NMNAT2: variants seen among roughly 807,000 people sequenced by gnomAD.
The protein encoded by NMNAT2 is nicotinamide/nicotinic acid mononucleotide adenylyltransferase 2.
Under a neutral mutation model 41.6 loss-of-function variants are expected in NMNAT2, and 11 were observed. That is an observed-to-expected ratio of 0.26 (90% CI 0.17 to 0.44). The LOEUF (loss-of-function observed/expected upper bound fraction) is 0.44. Ranked by LOEUF, NMNAT2 falls within the 20% of genes least tolerant of loss-of-function variation. NMNAT2 has a pLI of 1.00. For synonymous variants in NMNAT2, 148 were observed against 151.2 expected (o/e 0.98, Z 0.16); for missense variants, 288 against 407.7 (o/e 0.71, Z 2.53).
chr1:183,379,059 T>C (rs1301510338), intron 1 of NMNAT2, among the ~76,000 whole-genome samples: 1 of 79,436 alleles, frequency 1.3e-5, no homozygotes, highest in East Asian at 9.7e-4. Context: ...TATCTATATC[T>C]ATATCTATAT....
At chr1:183,397,064 T>A (rs1406555372) in intron 1 of NMNAT2, among the ~76,000 whole-genome samples, 1 of 152,228 alleles carries the variant, frequency 6.6e-6, no homozygotes, top group Non-Finnish European at 1.5e-5. Flanking sequence ...GAACACTTGC[T>A]GTGGGGCTTT....
At chr1:183,360,670 C>G (rs924607298) in intron 1 of NMNAT2, among the ~76,000 whole-genome samples, 2 of 152,156 alleles carry the variant, frequency 1.3e-5, no homozygotes, top group African/African-American at 4.8e-5. Flanking sequence ...TAATGGAAAA[C>G]AGGCTGAAGG....
At chr1:183,255,370 T>C (rs1210907885) in intron 10 of NMNAT2, among the ~76,000 whole-genome samples, 1 of 152,216 alleles carries the variant, frequency 6.6e-6, no homozygotes, top group Non-Finnish European at 1.5e-5. Flanking sequence ...ACTTTTTTTT[T>C]CTCATAATTG....
Position 183,418,327 on chromosome 1 carries a change from G to C in NMNAT2, c.-60C>G. Reference sequence around the variant, plus strand: ...TGCCTCTCTTTTTGTGTCTCGTTGTGTCTGCAGAGGGAGAAAGGAAGGCGA... The same window carrying C: ...TGCCTCTCTTTTTGTGTCTCGTTGTCTCTGCAGAGGGAGAAAGGAAGGCGA... On this transcript the variant is annotated 5_prime_UTR_variant, in exon 1 of 11. Coordinates refer to ENST00000287713, the MANE Select transcript of NMNAT2 (RefSeq NM_015039.4). 1 of 1,508,118 alleles carries C rather than the reference G, an allele frequency of 6.6e-7. No individual in the cohort carries two copies. The highest frequency in any genetic ancestry group is 9.2e-7 in the Non-Finnish European group (1 of 1,084,058). 93.4% of individuals were successfully genotyped at this position (1,508,118 alleles called of 1,614,324 possible). A position where few individuals can be genotyped will look rare whatever the true frequency, so the allele number is the denominator to read the frequency against.
At chr1:183,358,957 A>G (rs1663251640) in intron 1 of NMNAT2, among the ~76,000 whole-genome samples, 1 of 152,208 alleles carries the variant, frequency 6.6e-6, no homozygotes, top group African/African-American at 2.4e-5. Context: ...GCAAGTGTTG[A>G]TTTGAAGAAA....
At chr1:183,273,954 T>G (rs57755720) in intron 8 of NMNAT2, among the ~76,000 whole-genome samples, 20 of 150,076 alleles carry the variant, frequency 1.3e-4, no homozygotes, top group Non-Finnish European at 2.7e-4. Context: ...GTCTTGTCAC[T>G]CAGGCTAGAG....
At chr1:183,304,714 A>G (rs199999449) in intron 1 of NMNAT2, 8 of 1,613,912 alleles carry the variant, frequency 5.0e-6, no homozygotes, top group East Asian at 2.2e-5. Context: ...GCAGGCCTGA[A>G]TTTCCTCTAG....
At chr1:183,312,294 CTA>C (rs1001918296) in intron 1 of NMNAT2, among the ~76,000 whole-genome samples, 5 of 147,270 alleles carry the variant, frequency 3.4e-5, no homozygotes, top group Non-Finnish European at 7.4e-5. Context: ...TGAGGTCTCA[CTA>C]TGTTTCCCAG....
intron 7 of NMNAT2, among the ~76,000 whole-genome samples, chr1:183,282,497 A>C (rs556282372): frequency 6.6e-6 from 1 of 152,366 alleles, no homozygotes; most frequent in Non-Finnish European, 1.5e-5. Flanking sequence ...CTAGGAAGGC[A>C]AGCAAGGCCA....
intron 1 of NMNAT2, among the ~76,000 whole-genome samples, chr1:183,376,146 G>A (rs1373328605): frequency 6.6e-6 from 1 of 152,072 alleles, no homozygotes; most frequent in East Asian, 1.9e-4. Flanking sequence ...ACATTTATGA[G>A]GACAACCTAT....
chr1:183,264,330 G>T (rs1660748135), intron 8 of NMNAT2, among the ~76,000 whole-genome samples: 1 of 152,008 alleles, frequency 6.6e-6, no homozygotes. Flanking sequence ...AATGATCTGA[G>T]CACCCAATGA....
At chr1:183,362,638 A>G (rs529748401) in intron 1 of NMNAT2, among the ~76,000 whole-genome samples, 1 of 152,348 alleles carries the variant, frequency 6.6e-6, no homozygotes, top group Admixed American at 6.5e-5. Flanking sequence ...ATATTCCAGT[A>G]TATAGATATA....
intron 10 of NMNAT2, among the ~76,000 whole-genome samples, chr1:183,260,251 G>A (rs932938337): frequency 1.3e-5 from 2 of 152,208 alleles, no homozygotes; most frequent in African/African-American, 4.8e-5. Flanking sequence ...CACTGGCTGA[G>A]AAGAGCCACT....
At chr1:183,305,833 G>A (rs971869145) in intron 1 of NMNAT2, among the ~76,000 whole-genome samples, 3 of 147,092 alleles carry the variant, frequency 2.0e-5, no homozygotes, top group East Asian at 2.1e-4. Flanking sequence ...TGATTCTCCC[G>A]CCTTAGCCTT....
chr1:183,370,085 G>A lies in NMNAT2; in HGVS notation c.85+48098C>T, dbSNP rs144318909. On this transcript the variant is annotated intron_variant, in intron 1 of 10. Coordinates refer to ENST00000287713, the MANE Select transcript of NMNAT2 (RefSeq NM_015039.4). ...AACGCCTCCTGCATTCCCAACACAC[G>A]GCTGCAACCTGATCAGAAGCAGAAG... 4.0e-4 allele frequency among the ~76,000 whole-genome samples: 61 copies of A among 152,092 alleles called. 2 individuals are homozygous for A. The East Asian group carries it at 0.011, about 27-fold the overall frequency.
chr1:183,357,431 G>C (rs1214023223), intron 1 of NMNAT2, among the ~76,000 whole-genome samples: 6 of 151,508 alleles, frequency 4.0e-5, no homozygotes. Context: ...GGGTTTCACC[G>C]TGTTAGCCAG....
chr1:183,376,497 G>T (rs1447653871), intron 1 of NMNAT2, among the ~76,000 whole-genome samples: 1 of 152,152 alleles, frequency 6.6e-6, no homozygotes, highest in Non-Finnish European at 1.5e-5. Context: ...CCAAGTAAAG[G>T]ACTGTTCACT....
At chr1:183,335,938 T>C (rs546121044) in intron 1 of NMNAT2, among the ~76,000 whole-genome samples, 24 of 152,084 alleles carry the variant, frequency 1.6e-4, no homozygotes, top group African/African-American at 5.5e-4. Flanking sequence ...GATACGGAGG[T>C]TTACAAGGAG....
chr1:183,325,763 T>C (rs1043582095), intron 1 of NMNAT2, among the ~76,000 whole-genome samples: 5 of 152,190 alleles, frequency 3.3e-5, no homozygotes, highest in Admixed American at 6.5e-5. Context: ...ACTCAAACAA[T>C]AGTGAAATCA....
Sources: allele counts gnomAD v4.1 joint callset (sites outside exome capture counted in the v4.1 genomes callset), GRCh38; gene constraint gnomAD v4.1.1; transcripts MANE v1.5; gene names NCBI Gene and HGNC (gene_info 2026-07-23, HGNC 2026-07-21).